OSBPL6: variants seen among roughly 807,000 people sequenced by gnomAD.
The protein encoded by OSBPL6 is oxysterol binding protein like 6, also known as oxysterol-binding protein-related protein 6.
A neutral mutation model predicts 125.8 loss-of-function variants in OSBPL6; 49 were observed. That is an observed-to-expected ratio of 0.39 (90% CI 0.31 to 0.49). OSBPL6 has a LOEUF of 0.49. Ranked by LOEUF, OSBPL6 falls within the 20% of genes least tolerant of loss-of-function variation. The pLI, the probability that OSBPL6 is intolerant of heterozygous loss-of-function variation, is 0.88. For missense variants in OSBPL6, 986 were observed against 1,135.4 expected (o/e 0.87, Z 1.89); for synonymous variants, 394 against 391.8 (o/e 1.01, Z -0.07).
chr2:178,292,161 T>C (rs1353641600), intron 2 of OSBPL6, among the ~76,000 whole-genome samples: 1 of 152,042 alleles, frequency 6.6e-6, no homozygotes, highest in Non-Finnish European at 1.5e-5. Flanking sequence ...TACAGGACCT[T>C]CCAGTAAACT....
chr2:178,394,991 T>C (rs894341392), intron 24 of OSBPL6, among the ~76,000 whole-genome samples: 12 of 152,188 alleles, frequency 7.9e-5, no homozygotes, highest in African/African-American at 1.9e-4. Context: ...AGACTTGTCC[T>C]GTCATTACTG....
In OSBPL6 at chr2:178,399,326, C is replaced by T. The variant is rs1274010614; in HGVS notation, c.*3767C>T. ...ATACTATCCAAAGTAGGATTCGGTC[C>T]TGTAAGTCCTAACTGAATTTCTTTT... On this transcript the variant is annotated 3_prime_UTR_variant, in exon 25 of 25. Transcript: ENST00000190611. The T allele has an allele frequency of 6.6e-6, 1 of 152,118 alleles. No homozygotes were observed. Among genetic ancestry groups the T allele is most frequent in the Non-Finnish European group, 1.5e-5 (1 of 68,018 alleles). The allele number at this position is 152,118 out of a possible 1,614,324, so 9.4% of individuals were successfully genotyped here. A position where few individuals can be genotyped will look rare whatever the true frequency, so the allele number is the denominator to read the frequency against.
intron 1 of OSBPL6, among the ~76,000 whole-genome samples, chr2:178,210,824 ACACACACAC>A (rs1366765209): frequency 3.5e-4 from 36 of 103,394 alleles, no homozygotes; most frequent in Middle Eastern, 0.01. Flanking sequence ...AAAAAAAAAA[ACACACACAC>A]ACACACACAC....
intron 11 of OSBPL6, among the ~76,000 whole-genome samples, chr2:178,347,535 G>C (rs2154087835): frequency 6.6e-6 from 1 of 152,212 alleles, no homozygotes; most frequent in Middle Eastern, 3.4e-3. Context: ...ACCACAGTTA[G>C]GGTCTGAACT....
chr2:178,321,894 A>G (rs929588678), intron 3 of OSBPL6, among the ~76,000 whole-genome samples: 17 of 152,202 alleles, frequency 1.1e-4, no homozygotes, highest in African/African-American at 3.9e-4. Flanking sequence ...TTCTTCCATA[A>G]TATAAACTGT....
At chr2:178,389,854 C>A (rs1695253128) in intron 21 of OSBPL6, among the ~76,000 whole-genome samples, 1 of 152,176 alleles carries the variant, frequency 6.6e-6, no homozygotes, top group Non-Finnish European at 1.5e-5. Context: ...ATATGGTAAA[C>A]AGGTAACATA....
intron 1 of OSBPL6, among the ~76,000 whole-genome samples, chr2:178,232,700 G>A (rs2090886163): frequency 6.6e-6 from 1 of 151,768 alleles, no homozygotes. Context: ...TTACTGTCTT[G>A]AAATCACATG....
intron 18 of OSBPL6, among the ~76,000 whole-genome samples, chr2:178,384,923 T>C (rs1694802552): frequency 6.6e-6 from 1 of 150,958 alleles, no homozygotes. Context: ...AGGAATAAAA[T>C]GGGAGGCAGG....
intron 12 of OSBPL6, among the ~76,000 whole-genome samples, chr2:178,350,050 C>CTT (rs1326003441): frequency 6.6e-6 from 1 of 152,216 alleles, no homozygotes; most frequent in African/African-American, 2.4e-5. Context: ...CTGGTGCAGC[C>CTT]TTCTACTTCC....
intron 1 of OSBPL6, among the ~76,000 whole-genome samples, chr2:178,208,692 C>T (rs1169421610): frequency 1.4e-5 from 1 of 72,964 alleles, no homozygotes; most frequent in Non-Finnish European, 3.2e-5. Flanking sequence ...CTCCCTTCCC[C>T]TCCATTTCCT....
rs572865875 is a variant in OSBPL6, at chr2:178,383,871, T to C, written c.1876-168T>C. 2.0e-5 allele frequency among the ~76,000 whole-genome samples: 3 copies of C among 152,294 alleles called. No homozygotes were observed. In the East Asian group the frequency reaches 5.8e-4, roughly 29 times the overall value. On this transcript the variant is annotated intron_variant, in intron 17 of 24. Coordinates refer to ENST00000190611, the MANE Select transcript of OSBPL6 (RefSeq NM_032523.4). ...AGTGGTTTTACCTAATCTTACCTAT[T>C]TTTTTCCCCATGAGTTGATAAAAAT...
chr2:178,339,133 A>T (rs1171940726), intron 10 of OSBPL6, 39 bp downstream of exon 10: 39 of 1,297,278 alleles, frequency 3.0e-5, no homozygotes, highest in Non-Finnish European at 4.0e-5. Flanking sequence ...GACTTAGGGT[A>T]TTAATTAATA....
intron 15 of OSBPL6, among the ~76,000 whole-genome samples, chr2:178,378,500 T>A (rs1349729780): frequency 6.6e-6 from 1 of 152,264 alleles, no homozygotes; most frequent in Non-Finnish European, 1.5e-5. Flanking sequence ...AAAAATGTTC[T>A]TCTTGCTTCC....
intron 1 of OSBPL6, among the ~76,000 whole-genome samples, chr2:178,216,697 T>G (rs560451144): frequency 2.0e-5 from 3 of 152,342 alleles, no homozygotes; most frequent in African/African-American, 7.2e-5. Flanking sequence ...TCTCATAGTG[T>G]TTCTCTACAA....
At chr2:178,346,966 G>A (rs1371758737) in intron 11 of OSBPL6, among the ~76,000 whole-genome samples, 1 of 152,100 alleles carries the variant, frequency 6.6e-6, no homozygotes, top group African/African-American at 2.4e-5. Flanking sequence ...AATTTGAATG[G>A]AACATTCAAG....
chr2:178,387,060 G>T lies in OSBPL6; in HGVS notation c.2078-1G>T. On this transcript the variant is annotated splice_acceptor_variant, in intron 19 of 24. Coordinates refer to ENST00000190611, the MANE Select transcript of OSBPL6 (RefSeq NM_032523.4). LOFTEE classifies it high-confidence loss of function. ...TCTTGTCCTCTCCCTATGTCATTTA[G>T]ATATCAGATGGAAAAACAAGTTCTG... 1 of 1,592,502 alleles carries T rather than the reference G, an allele frequency of 6.3e-7. No homozygotes were observed. Among genetic ancestry groups the T allele is most frequent in the South Asian group, 1.1e-5 (1 of 90,524 alleles).
chr2:178,324,286 G>T lies in OSBPL6; in HGVS notation c.195+17G>T. The T allele has an allele frequency of 6.5e-7, 1 of 1,528,808 alleles. No individual in the cohort carries two copies. Among genetic ancestry groups the T allele is most frequent in the Non-Finnish European group, 8.9e-7 (1 of 1,121,712 alleles). The allele number at this position is 1,528,808 out of a possible 1,614,324, so 94.7% of individuals were successfully genotyped here. On this transcript the variant is annotated intron_variant, in intron 4 of 24. Transcript: ENST00000190611. ...CTCTCCAAGGTCAGTGATGAAATGC[G>T]GTGCTTTCTCTGCTGGCATGATGCC...
chr2:178,313,594 A>C (rs1687483544), intron 3 of OSBPL6, among the ~76,000 whole-genome samples: 1 of 152,218 alleles, frequency 6.6e-6, no homozygotes, highest in East Asian at 1.9e-4. Flanking sequence ...TAAGGAAAAA[A>C]TATAAATAAT....
rs768881944 is a variant in OSBPL6 at position 178,394,454 on chromosome 2, A to G, written c.2696+19A>G. The G allele has an allele frequency of 1.3e-6, 2 of 1,589,972 alleles. No homozygotes were observed. Among genetic ancestry groups the G allele is most frequent in the East Asian group, 4.5e-5 (2 of 44,646 alleles). On this transcript the variant is annotated intron_variant, in intron 24 of 24. Transcript: ENST00000190611. Reference sequence around the variant, plus strand: ...TTTTTAAGTAAGTCAGTTAACTCCCATAGCAAGTTCATGTTTTGCAAATGG... The same window carrying G: ...TTTTTAAGTAAGTCAGTTAACTCCCGTAGCAAGTTCATGTTTTGCAAATGG...
Sources: allele counts gnomAD v4.1 joint callset (sites outside exome capture counted in the v4.1 genomes callset), GRCh38; gene constraint gnomAD v4.1.1; transcripts MANE v1.5; gene names NCBI Gene and HGNC (gene_info 2026-07-23, HGNC 2026-07-21).